The following KLHL1 variants were observed in gnomAD, a reference collection of about 807,000 sequenced individuals.
The protein encoded by KLHL1 is kelch like family member 1.
KLHL1 carries 47 observed loss-of-function variants against 77.7 expected under a neutral mutation model. That is an observed-to-expected ratio of 0.60 (90% CI 0.48 to 0.77). The LOEUF is 0.77. KLHL1 is among the 30% of genes least tolerant of loss of function. The pLI is 0.00. For missense variants in KLHL1, 925 were observed against 910.8 expected, an observed-to-expected ratio of 1.02 and a Z score of -0.20; for synonymous variants, 360 against 325.2, an observed-to-expected ratio of 1.11 and a Z score of -1.15.
chr13:70,045,685 T>C lies in KLHL1; in HGVS notation c.497+61518A>G, dbSNP rs140768731. Among the ~76,000 whole-genome samples the C allele has an allele frequency of 3.6e-3, 554 of 152,252 alleles. 3 individuals carry two copies. The highest frequency in any genetic ancestry group is 0.012 in the African/African-American group (518 of 41,552). ...CTGGCTTTATTCTTATAAACACATA[T>C]GGAGTTTTAAAGAAATATTTTTTTC... On this transcript the variant is annotated intron_variant, in intron 1 of 10. Coordinates refer to ENST00000377844, the MANE Select transcript of KLHL1 (RefSeq NM_020866.3).
chr13:69,833,344 C>T (rs1003482771), intron 6 of KLHL1, among the ~76,000 whole-genome samples: 2 of 151,744 alleles, frequency 1.3e-5, no homozygotes, highest in Non-Finnish European at 2.9e-5. Flanking sequence ...AGCCAACAAA[C>T]ATATGAAAAA....
At chr13:70,075,360 A>G (rs1362141697) in intron 1 of KLHL1, among the ~76,000 whole-genome samples, 1 of 151,480 alleles carries the variant, frequency 6.6e-6, no homozygotes. Flanking sequence ...AAAAGCTATA[A>G]AAATTGAAAA....
intron 4 of KLHL1, among the ~76,000 whole-genome samples, chr13:69,902,668 C>T (rs967337502): frequency 1.3e-5 from 2 of 149,854 alleles, no homozygotes; most frequent in Non-Finnish European, 2.9e-5. Flanking sequence ...AAAAACCAAA[C>T]ACCACATGTT....
At chr13:69,730,175 G>T (rs1488427208) in intron 8 of KLHL1, among the ~76,000 whole-genome samples, 2 of 151,948 alleles carry the variant, frequency 1.3e-5, no homozygotes, top group Non-Finnish European at 2.9e-5. Context: ...ATATTTTAAG[G>T]TTATTCAAAG....
intron 1 of KLHL1, among the ~76,000 whole-genome samples, chr13:70,101,960 A>T (rs1000107903): frequency 6.6e-6 from 1 of 152,082 alleles, no homozygotes; most frequent in Non-Finnish European, 1.5e-5. Context: ...CAAAAAAAAA[A>T]AAACAAAGTA....
intron 4 of KLHL1, among the ~76,000 whole-genome samples, chr13:69,913,705 A>G (rs919441676): frequency 1.3e-5 from 2 of 152,234 alleles, no homozygotes; most frequent in Non-Finnish European, 2.9e-5. Context: ...ATGAAATTCA[A>G]TTACAAAACT....
At chr13:69,807,129 A>T (rs1877650465) in intron 6 of KLHL1, among the ~76,000 whole-genome samples, 1 of 152,086 alleles carries the variant, frequency 6.6e-6, no homozygotes, top group Non-Finnish European at 1.5e-5. Flanking sequence ...TGACAGAGAA[A>T]CCATGTCATC....
At chr13:69,739,636 T>C (rs1395037398) in intron 8 of KLHL1, among the ~76,000 whole-genome samples, 3 of 152,150 alleles carry the variant, frequency 2.0e-5, no homozygotes, top group Non-Finnish European at 2.9e-5. Context: ...TCAACAAAGA[T>C]CATAAAAGAC....
intron 7 of KLHL1, among the ~76,000 whole-genome samples, chr13:69,788,338 A>G (rs1287706441): frequency 6.6e-6 from 1 of 152,224 alleles, no homozygotes; most frequent in East Asian, 1.9e-4. Context: ...GCCATAAAAA[A>G]TAAAGAGTTC....
chr13:69,879,511 G>A (rs1387574480), intron 5 of KLHL1, among the ~76,000 whole-genome samples: 4 of 151,804 alleles, frequency 2.6e-5, no homozygotes, highest in South Asian at 2.1e-4. Context: ...GATTATAAGC[G>A]ACCTATATAT....
chr13:69,837,660 GTGTGTGTGTGTATATA>G (rs1879073343), intron 6 of KLHL1, among the ~76,000 whole-genome samples: 3 of 127,522 alleles, frequency 2.4e-5, no homozygotes, highest in African/African-American at 1.0e-4. Flanking sequence ...ATATATATGT[GTGTGTGTGTGTATATA>G]TATATATATA....
intron 6 of KLHL1, among the ~76,000 whole-genome samples, chr13:69,827,753 G>GT (rs1455870548): frequency 3.0e-5 from 4 of 135,096 alleles, no homozygotes; most frequent in African/African-American, 1.2e-4. Flanking sequence ...AAAAAAAAAA[G>GT]TTATTCTTAG....
chr13:69,811,024 C>T (rs192296499), intron 6 of KLHL1, among the ~76,000 whole-genome samples: 100 of 150,860 alleles, frequency 6.6e-4, no homozygotes, highest in African/African-American at 2.3e-3. Flanking sequence ...GGATTCACAG[C>T]AGAATTCTAT....
intron 7 of KLHL1, among the ~76,000 whole-genome samples, chr13:69,773,649 C>T (rs1025553931): frequency 1.3e-5 from 2 of 151,828 alleles, no homozygotes; most frequent in Non-Finnish European, 2.9e-5. Context: ...ACAATTTAGT[C>T]AAGGTCTTTC....
chr13:69,960,212 C>G (rs1884022472), intron 3 of KLHL1, among the ~76,000 whole-genome samples: 1 of 150,172 alleles, frequency 6.7e-6, no homozygotes, highest in South Asian at 2.1e-4. Context: ...AGGACAGAGT[C>G]CTCCTAGTTC....
chr13:70,043,428 T>A (rs1886424650), intron 1 of KLHL1, among the ~76,000 whole-genome samples: 1 of 152,010 alleles, frequency 6.6e-6, no homozygotes, highest in Non-Finnish European at 1.5e-5. Flanking sequence ...ATAAATAAAT[T>A]TAGTGTAGCC....
chr13:69,708,253 G>T (rs888196846), intron 9 of KLHL1, among the ~76,000 whole-genome samples: 1 of 151,948 alleles, frequency 6.6e-6, no homozygotes, highest in Non-Finnish European at 1.5e-5. Flanking sequence ...GGAAAAAAAA[G>T]GAAAGATTTG....
intron 4 of KLHL1, among the ~76,000 whole-genome samples, chr13:69,913,000 T>C (rs1267084020): frequency 2.0e-5 from 3 of 152,072 alleles, no homozygotes; most frequent in Non-Finnish European, 4.4e-5. Context: ...AAATGATATT[T>C]TTGTCATCAA....
intron 4 of KLHL1, among the ~76,000 whole-genome samples, chr13:69,916,854 A>T (rs960124036): frequency 1.2e-4 from 19 of 152,164 alleles, no homozygotes; most frequent in African/African-American, 4.3e-4. Context: ...TGATAACAGA[A>T]TATTAAAAAA....
Sources: gnomAD v4.1 joint callset for allele counts (sites outside exome capture counted in the v4.1 genomes callset) on GRCh38, gnomAD v4.1.1 for gene constraint, MANE v1.5 for transcripts, NCBI Gene and HGNC (gene_info 2026-07-23, HGNC 2026-07-21) for gene names.